Variants in ASTN2 observed in about 807,000 individuals in gnomAD.
The protein encoded by ASTN2 is astrotactin 2, also known as astrotactin-2.
A neutral mutation model predicts 139.8 loss-of-function variants in ASTN2; 54 were observed. That is an observed-to-expected ratio of 0.39 (90% confidence interval 0.31 to 0.48). ASTN2 has a LOEUF of 0.48. Ranked by LOEUF, ASTN2 falls within the 20% of genes least tolerant of loss-of-function variation. The probability of loss-of-function intolerance (pLI) is 0.95; values close to 1 mark genes in which losing one functional copy is unlikely to be tolerated. For synonymous variants in ASTN2, 756 were observed against 719.5 expected (o/e 1.05, Z -0.81); for missense variants, 1,565 against 1,725.1 (o/e 0.91, Z 1.64).
intron 17 of ASTN2, among the ~76,000 whole-genome samples, chr9:116,639,635 C>T (rs1280600905): frequency 6.6e-6 from 1 of 152,160 alleles, no homozygotes; most frequent in Non-Finnish European, 1.5e-5. Context: ...ATTGCCCTGG[C>T]TGGGGCAGTC....
At chr9:117,312,670 G>T (rs1036444110) in intron 1 of ASTN2, among the ~76,000 whole-genome samples, 4 of 152,128 alleles carry the variant, frequency 2.6e-5, no homozygotes, top group African/African-American at 7.2e-5. Context: ...GTCTAGTCTT[G>T]GTTCTTAAGT....
rs137926126 is a variant in ASTN2 at position 116,547,844 on chromosome 9, C to A, written c.3356-60344G>T. ...GCGCCCGGTTTACCTGAGCTGCCCC[C>A]CAAGCTGAGGTTCTGTGTCCCATTC... On this transcript the variant is annotated intron_variant, in intron 19 of 22. Coordinates refer to ENST00000313400, the MANE Select transcript of ASTN2 (RefSeq NM_001365068.1). Among the ~76,000 whole-genome samples, 470 of 152,212 alleles carry A rather than the reference C, an allele frequency of 3.1e-3. 3 individuals carry two copies. The highest frequency in any genetic ancestry group is 0.01 in the African/African-American group (426 of 41,540).
intron 22 of ASTN2, chr9:116,437,541 C>CGGCG (rs1268581564): frequency 1.9e-5 from 9 of 471,110 alleles, no homozygotes; most frequent in Non-Finnish European, 3.5e-5. Flanking sequence ...GCGGCCCGGC[C>CGGCG]GCCTTTCCAG....
At chr9:116,566,632 A>G (rs1183846462) in intron 19 of ASTN2, among the ~76,000 whole-genome samples, 4 of 152,320 alleles carry the variant, frequency 2.6e-5, no homozygotes, top group South Asian at 2.1e-4. Flanking sequence ...CGGAAATCCA[A>G]TGGCAGGGGG....
At chr9:117,377,473 C>T (rs1028845201) in intron 1 of ASTN2, among the ~76,000 whole-genome samples, 1 of 152,126 alleles carries the variant, frequency 6.6e-6, no homozygotes, top group Non-Finnish European at 1.5e-5. Context: ...CATAAACGTC[C>T]CATGCATTTG....
chr9:117,199,506 G>T (rs1588069366), intron 3 of ASTN2, among the ~76,000 whole-genome samples: 1 of 152,162 alleles, frequency 6.6e-6, no homozygotes, highest in African/African-American at 2.4e-5. Flanking sequence ...TCAGTACCAC[G>T]CTGTTTTGGT....
chr9:116,805,483 T>C (rs1273118050), intron 13 of ASTN2, 149 bp downstream of exon 13: 6 of 656,998 alleles, frequency 9.1e-6, no homozygotes, highest in Non-Finnish European at 1.3e-5. Context: ...TTGATGACTT[T>C]CCACACTCCT....
rs572634604 is a variant in ASTN2, at chr9:117,370,955, A to G, written c.442+43542T>C. On this transcript the variant is annotated intron_variant, in intron 1 of 22. Coordinates refer to ENST00000313400, the MANE Select transcript of ASTN2 (RefSeq NM_001365068.1). ...ACTAAACCCAGTTGGATGTCCCTACATTATTAAATAACCACAACAATCTGA... is the reference window on the plus strand; with the variant it reads ...ACTAAACCCAGTTGGATGTCCCTACGTTATTAAATAACCACAACAATCTGA... Among the ~76,000 whole-genome samples the G allele has an allele frequency of 4.6e-5, 7 of 152,260 alleles. No homozygotes were observed. In the East Asian group the frequency reaches 1.2e-3, roughly 25 times the overall value.
chr9:117,016,616 CTATCTATCTA>C (rs1373913932), intron 6 of ASTN2, among the ~76,000 whole-genome samples: 4,608 of 42,418 alleles, frequency 0.11, 479 homozygotes, highest in East Asian at 0.29. Context: ...ATATCTATAT[CTATCTATCTA>C]TATATATATA....
At chr9:117,265,266 G>A (rs571918048) in intron 2 of ASTN2, among the ~76,000 whole-genome samples, 2 of 152,062 alleles carry the variant, frequency 1.3e-5, no homozygotes, top group Non-Finnish European at 2.9e-5. Context: ...TGCCACTGTG[G>A]GCAACAGAAG....
At position 117,064,361 on chromosome 9, in the gene ASTN2, CA is replaced by C. The variant is rs573089093; in HGVS notation, c.1277-24397del. 3.0e-4 allele frequency among the ~76,000 whole-genome samples: 46 copies of C among 152,114 alleles called. 1 individual carries two copies. In the South Asian group the frequency reaches 4.4e-3, roughly 14 times the overall value. On this transcript the variant is annotated intron_variant, in intron 5 of 22. Coordinates refer to ENST00000313400, the MANE Select transcript of ASTN2 (RefSeq NM_001365068.1). The stretch of plus-strand genomic sequence containing the variant: ...CCTCAGCTCCAGGATTCCAGAATAT[CA>C]ACACTGGAAAAATGTTAAAGGTCTT...
chr9:117,052,557 CATAT>C, intron 5 of ASTN2, among the ~76,000 whole-genome samples: 1 of 151,938 alleles, frequency 6.6e-6, no homozygotes, highest in East Asian at 1.9e-4. Flanking sequence ...AAGACCAATA[CATAT>C]AAATTCTGTT....
intron 4 of ASTN2, among the ~76,000 whole-genome samples, chr9:117,117,376 A>G (rs559832070): frequency 1.4e-5 from 2 of 146,106 alleles, no homozygotes; most frequent in East Asian, 4.1e-4. Flanking sequence ...GAGAAAAAAA[A>G]AAAGAAAAGA....
chr9:116,936,078 TCACCACTACCACCACCA>T (rs1835057804), intron 10 of ASTN2, among the ~76,000 whole-genome samples: 1 of 548 alleles, frequency 1.8e-3, no homozygotes, highest in Non-Finnish European at 3.0e-3. Flanking sequence ...ATCACCACCA[TCACCACTACCACCACCA>T]CACCACTACC....
chr9:116,872,693 T>C (rs1435460452), intron 10 of ASTN2, among the ~76,000 whole-genome samples: 2 of 152,172 alleles, frequency 1.3e-5, no homozygotes, highest in East Asian at 3.9e-4. Context: ...GAGGAGGTAA[T>C]GTTGAGCCTG....
intron 7 of ASTN2, among the ~76,000 whole-genome samples, chr9:117,006,041 A>G (rs1216298780): frequency 6.6e-6 from 1 of 152,122 alleles, no homozygotes; most frequent in East Asian, 1.9e-4. Flanking sequence ...AGCCAGTGTA[A>G]TCAAACTTCC....
intron 3 of ASTN2, among the ~76,000 whole-genome samples, chr9:117,144,660 GTTTTTTTTTTTTTTTTTTTTTTT>G (rs71379267): frequency 2.6e-4 from 20 of 78,350 alleles, no homozygotes; most frequent in African/African-American, 8.5e-4. Context: ...GTGAACACTA[GTTTTTTTTTTTTTTTTTTTTTTT>G]TTTTTTTTTT....
At chr9:117,403,185 C>T (rs572897221) in intron 1 of ASTN2, among the ~76,000 whole-genome samples, 1 of 152,170 alleles carries the variant, frequency 6.6e-6, no homozygotes, top group Non-Finnish European at 1.5e-5. Flanking sequence ...CTGAGGTCTA[C>T]CGTGATTCTG....
intron 4 of ASTN2, among the ~76,000 whole-genome samples, chr9:117,125,099 G>A (rs746954637): frequency 6.6e-5 from 10 of 152,200 alleles, no homozygotes; most frequent in Admixed American, 1.3e-4. Flanking sequence ...GATGTGTAAA[G>A]TATTCCCTTC....
Sources: gnomAD v4.1 joint callset for allele counts (sites outside exome capture counted in the v4.1 genomes callset) on GRCh38, gnomAD v4.1.1 for gene constraint, MANE v1.5 for transcripts, NCBI Gene and HGNC (gene_info 2026-07-23, HGNC 2026-07-21) for gene names.